The following NEGR1 variants were observed in gnomAD, a reference collection of about 807,000 sequenced individuals.
NEGR1 encodes neuronal growth regulator 1.
Under a neutral mutation model 40.9 loss-of-function variants are expected in NEGR1, and 10 were observed. The ratio of observed to expected loss-of-function variants is 0.24; its 90% CI spans 0.15 to 0.42. NEGR1 has a LOEUF of 0.42. Ranked by LOEUF, NEGR1 falls within the 10% of genes least tolerant of loss-of-function variation. NEGR1 has a pLI of 1.00. For synonymous variants in NEGR1, 185 were observed against 166.8 expected, an observed-to-expected ratio of 1.11 and a Z score of -0.84; for missense variants, 352 against 438.9, an observed-to-expected ratio of 0.80 and a Z score of 1.77.
chr1:72,208,657 A>C (rs2100459268), intron 1 of NEGR1, among the ~76,000 whole-genome samples: 1 of 151,834 alleles, frequency 6.6e-6, no homozygotes, highest in South Asian at 2.1e-4. Context: ...CACTGAGGAA[A>C]CATTTTTCTC....
chr1:71,599,733 T>A (rs1416576707), intron 5 of NEGR1, among the ~76,000 whole-genome samples: 1 of 152,206 alleles, frequency 6.6e-6, no homozygotes, highest in South Asian at 2.1e-4. Context: ...AAAATGCATG[T>A]CTTATTTACT....
intron 2 of NEGR1, among the ~76,000 whole-genome samples, chr1:71,811,126 G>A (rs1298982242): frequency 2.6e-5 from 4 of 152,212 alleles, no homozygotes; most frequent in Non-Finnish European, 5.9e-5. Context: ...TTAACTGAAG[G>A]AGTCTGCACA....
chr1:72,257,081 G>GTGA (rs1655294277), intron 1 of NEGR1, among the ~76,000 whole-genome samples: 1 of 152,072 alleles, frequency 6.6e-6, no homozygotes, highest in African/African-American at 2.4e-5. Flanking sequence ...CCAGCACTTT[G>GTGA]GGAGGCCGAG....
chr1:71,857,855 C>G (rs1207900681), intron 2 of NEGR1, among the ~76,000 whole-genome samples: 4 of 151,952 alleles, frequency 2.6e-5, no homozygotes, highest in Admixed American at 2.6e-4. Flanking sequence ...CCTACAATTT[C>G]TAGAGAATCT....
intron 1 of NEGR1, among the ~76,000 whole-genome samples, chr1:72,078,356 T>C (rs1647839557): frequency 6.6e-6 from 1 of 152,044 alleles, no homozygotes; most frequent in African/African-American, 2.4e-5. Context: ...CTTTCAACCT[T>C]TTACCTTTGA....
chr1:72,077,348 C>T (rs1447389804), intron 1 of NEGR1, among the ~76,000 whole-genome samples: 1 of 152,086 alleles, frequency 6.6e-6, no homozygotes, highest in Non-Finnish European at 1.5e-5. Flanking sequence ...CTTTCTATCA[C>T]TTGCAGCTAG....
intron 6 of NEGR1, among the ~76,000 whole-genome samples, chr1:71,527,917 A>T (rs561716472): frequency 6.6e-6 from 1 of 151,436 alleles, no homozygotes; most frequent in African/African-American, 2.4e-5. Flanking sequence ...TCTGTTTTTT[A>T]TTGTATTGTC....
At chr1:71,575,917 AAAG>A (rs1308583025) in intron 6 of NEGR1, among the ~76,000 whole-genome samples, 1 of 152,246 alleles carries the variant, frequency 6.6e-6, no homozygotes, top group African/African-American at 2.4e-5. Flanking sequence ...TTGTTTTGTC[AAAG>A]AAGCCACGAG....
intron 1 of NEGR1, among the ~76,000 whole-genome samples, chr1:71,979,036 A>G: frequency 6.6e-6 from 1 of 152,188 alleles, no homozygotes; most frequent in Non-Finnish European, 1.5e-5. Flanking sequence ...AAAAAAAAAG[A>G]ATGAAACCAT....
intron 3 of NEGR1, among the ~76,000 whole-genome samples, chr1:71,759,287 CTTTT>C (rs759687500): frequency 2.3e-5 from 2 of 85,220 alleles, no homozygotes; most frequent in African/African-American, 4.8e-5. Context: ...AAGATTATAA[CTTTT>C]TTTTTTTTTT....
intron 1 of NEGR1, among the ~76,000 whole-genome samples, chr1:72,114,974 A>G (rs1411680208): frequency 6.6e-6 from 1 of 151,720 alleles, no homozygotes; most frequent in African/African-American, 2.4e-5. Context: ...ATTTGTCACT[A>G]TTGCTTTTTA....
intron 6 of NEGR1, among the ~76,000 whole-genome samples, chr1:71,429,328 A>C (rs1646450206): frequency 6.6e-6 from 1 of 152,226 alleles, no homozygotes; most frequent in Non-Finnish European, 1.5e-5. Flanking sequence ...ATTTTTACAA[A>C]AGGTAAAATT....
intron 1 of NEGR1, among the ~76,000 whole-genome samples, chr1:72,271,727 T>C (rs995920443): frequency 6.6e-6 from 1 of 151,938 alleles, no homozygotes; most frequent in African/African-American, 2.4e-5. Context: ...TGGAGTTGTA[T>C]ATCCCAGAAT....
chr1:72,266,722 TA>T (rs921177399), intron 1 of NEGR1, among the ~76,000 whole-genome samples: 1 of 60,958 alleles, frequency 1.6e-5, no homozygotes, highest in Non-Finnish European at 3.6e-5. Flanking sequence ...TATAGACAGA[TA>T]AACACACACA....
intron 1 of NEGR1, among the ~76,000 whole-genome samples, chr1:72,198,800 T>C (rs1298242088): frequency 6.6e-6 from 1 of 152,134 alleles, no homozygotes; most frequent in East Asian, 1.9e-4. Context: ...TGATATGAAT[T>C]AAAGATTGCC....
chr1:71,992,521 T>G (rs1443481243), intron 1 of NEGR1, among the ~76,000 whole-genome samples: 1 of 152,238 alleles, frequency 6.6e-6, no homozygotes. Flanking sequence ...ATATTAGTCA[T>G]GTAATTTATC....
At chr1:71,600,411 A>G (rs1372114171) in intron 5 of NEGR1, among the ~76,000 whole-genome samples, 1 of 152,178 alleles carries the variant, frequency 6.6e-6, no homozygotes, top group African/African-American at 2.4e-5. Context: ...TGAGCCCATG[A>G]GGGTACATTT....
intron 4 of NEGR1, among the ~76,000 whole-genome samples, chr1:71,690,329 T>A (rs1362068451): frequency 6.6e-6 from 1 of 151,746 alleles, no homozygotes; most frequent in African/African-American, 2.4e-5. Context: ...GAAGCAAAAC[T>A]TTTTTTTCTA....
chr1:71,878,541 A>T (rs1027305156), intron 2 of NEGR1, among the ~76,000 whole-genome samples: 2 of 152,242 alleles, frequency 1.3e-5, no homozygotes, highest in Non-Finnish European at 2.9e-5. Context: ...TTTACTTTGA[A>T]AAACTATTTT....
Sources: allele counts gnomAD v4.1 joint callset (sites outside exome capture counted in the v4.1 genomes callset), GRCh38; gene constraint gnomAD v4.1.1; transcripts MANE v1.5; gene names NCBI Gene and HGNC (gene_info 2026-07-23, HGNC 2026-07-21).